DNAI4: variants seen among roughly 807,000 people sequenced by gnomAD.
DNAI4 encodes the protein dynein axonemal intermediate chain 4.
DNAI4 carries 85 observed loss-of-function variants against 105.8 expected under a neutral mutation model. The observed-to-expected ratio is 0.80, with a 90% confidence interval of 0.67 to 0.96. The LOEUF (loss-of-function observed/expected upper bound fraction) is 0.96. Among genes scored for constraint, DNAI4 ranks in the 40% least tolerant of loss-of-function variants. The probability of loss-of-function intolerance (pLI) is 0.00; values close to 1 mark genes in which losing one functional copy is unlikely to be tolerated. For missense variants in DNAI4, 1,014 were observed against 1,005.6 expected (o/e 1.01, Z -0.11); for synonymous variants, 352 against 331.5 (o/e 1.06, Z -0.67).
At position 66,826,589 on chromosome 1, in the gene DNAI4, C is replaced by T. The variant is rs531863255; in HGVS notation, c.2339+231G>A. 5.9e-5 allele frequency among the ~76,000 whole-genome samples: 9 copies of T among 152,260 alleles called. No individual in the cohort carries two copies. The South Asian group carries it at 6.2e-4, about 11-fold the overall frequency. On this transcript the variant is annotated intron_variant, in intron 15 of 16. Coordinates refer to ENST00000371026, the MANE Select transcript of DNAI4 (RefSeq NM_024763.5). ...CCAGGATTACAGGTGTGAGCCACTGCGCCCAGCCAAGGTAAACTACTTTCA... is the reference window on the plus strand; with the variant it reads ...CCAGGATTACAGGTGTGAGCCACTGTGCCCAGCCAAGGTAAACTACTTTCA...
intron 8 of DNAI4, among the ~76,000 whole-genome samples, chr1:66,841,917 T>C (rs1646157610): frequency 6.6e-6 from 1 of 152,238 alleles, no homozygotes; most frequent in Non-Finnish European, 1.5e-5. Flanking sequence ...TATAATGACA[T>C]GTATCTGCCA....
At chr1:66,865,084 G>GA (rs1283677931) in intron 6 of DNAI4, among the ~76,000 whole-genome samples, 2 of 152,108 alleles carry the variant, frequency 1.3e-5, no homozygotes, top group Non-Finnish European at 2.9e-5. Flanking sequence ...TTTAAATAAT[G>GA]AAAGTTTACA....
chr1:66,821,954 C>T (rs938253782), intron 16 of DNAI4, among the ~76,000 whole-genome samples: 10 of 152,012 alleles, frequency 6.6e-5, no homozygotes, highest in Admixed American at 6.5e-4. Flanking sequence ...GCTAATCCAA[C>T]AGAAATAAAT....
intron 13 of DNAI4, among the ~76,000 whole-genome samples, chr1:66,833,299 T>G (rs543112270): frequency 6.6e-6 from 1 of 152,278 alleles, no homozygotes; most frequent in African/African-American, 2.4e-5. Context: ...TCTAGTTTGT[T>G]CATAGAGTTG....
rs1209588821 is a variant in DNAI4, at chr1:66,862,158, G to A, written c.1085C>T (p.Thr362Ile). The A allele has an allele frequency of 1.9e-6, 3 of 1,573,840 alleles. No individual in the cohort carries two copies. Among genetic ancestry groups the A allele is most frequent in the Non-Finnish European group, 2.6e-6 (3 of 1,166,840 alleles). Residue 362 changes from threonine (T) to isoleucine (I), a missense_variant, in exon 7 of 17, where the codon ACT becomes ATT. Thr to Ile is a moderately conservative substitution (Grantham distance 89). Transcript: ENST00000371026. ...KDQDQRLPGS[T>I]TEKNSETSSL... is the part of the protein sequence containing the mutation. ...AAATGAAATCTTACTTTTTTCTGTAGTGCTCCCTGGCAATCTTTGGTCCTG... is the reference window on the plus strand; with the variant it reads ...AAATGAAATCTTACTTTTTTCTGTAATGCTCCCTGGCAATCTTTGGTCCTG...
chr1:66,841,841 G>C (rs1010865141), intron 8 of DNAI4, among the ~76,000 whole-genome samples: 1 of 152,140 alleles, frequency 6.6e-6, no homozygotes. Context: ...AAAGTCCATA[G>C]TTTTACATTT....
At chr1:66,825,162 C>A (rs914138070) in intron 15 of DNAI4, among the ~76,000 whole-genome samples, 43 of 145,320 alleles carry the variant, frequency 3.0e-4, no homozygotes, top group African/African-American at 1.1e-3. Context: ...TAAATAATAA[C>A]TGTCTTTTTT....
chr1:66,834,242 T>C (rs1645933149), intron 11 of DNAI4, 94 bp from the exon 12 acceptor site: 1 of 912,984 alleles, frequency 1.1e-6, no homozygotes. Flanking sequence ...TTCTAGAAGA[T>C]CATGACCTAT....
At chr1:66,885,756 T>C (rs1647184675) in intron 4 of DNAI4, among the ~76,000 whole-genome samples, 1 of 152,186 alleles carries the variant, frequency 6.6e-6, no homozygotes, top group African/African-American at 2.4e-5. Context: ...ATAGGTAAGA[T>C]TTTTTTCCTT....
Position 66,847,529 on chromosome 1 carries a change from A to T in DNAI4, c.1246T>A (p.Phe416Ile). The T allele has an allele frequency of 6.2e-7, 1 of 1,613,488 alleles. No individual in the cohort carries two copies. The highest frequency in any genetic ancestry group is 1.3e-5 in the African/African-American group (1 of 75,006). Residue 416 changes from phenylalanine to isoleucine, a missense_variant, in exon 8 of 17, where the codon TTT (phenylalanine) becomes ATT (isoleucine). By Grantham distance (21) the Phe-to-Ile change is conservative (BLOSUM62 0). Transcript: ENST00000371026. Reference protein sequence around the residue: ...FMERVLMENIFQPKLAAYRQL... With the variant: ...FMERVLMENIIQPKLAAYRQL... ...CGATAAGCTGCAAGTTTGGGCTGAA[A>T]TATATTTTCCATCAGAACCCGTTCC... is the stretch of plus-strand genomic sequence containing the variant.
At chr1:66,922,655 T>C (rs1237166260) in intron 1 of DNAI4, among the ~76,000 whole-genome samples, 1 of 152,218 alleles carries the variant, frequency 6.6e-6, no homozygotes, top group African/African-American at 2.4e-5. Flanking sequence ...CTGGATTTAT[T>C]TGGCAGGTAG....
At chr1:66,867,928 A>C (rs269395) in intron 6 of DNAI4, among the ~76,000 whole-genome samples, 36,827 of 152,096 alleles carry the variant, frequency 0.24, 5,775 homozygotes, top group African/African-American at 0.45. Context: ...GGTTCACCTG[A>C]AAGCAAAAAT....
chr1:66,835,374 T>C (rs2100428043), intron 11 of DNAI4, among the ~76,000 whole-genome samples: 1 of 152,272 alleles, frequency 6.6e-6, no homozygotes, highest in African/African-American at 2.4e-5. Flanking sequence ...CCCAAAGCAA[T>C]AGTTTAAGAA....
chr1:66,841,351 G>A lies in DNAI4; in HGVS notation c.1292-680C>T, dbSNP rs545662386. Among the ~76,000 whole-genome samples the A allele has an allele frequency of 5.9e-5, 9 of 152,198 alleles. 1 individual carries two copies. The highest frequency in any genetic ancestry group is 3.9e-4 in the East Asian group (2 of 5,174). ...GGCTTCTGGTTGTTTTTTACCAATA[G>A]ACATTGCTGGAAAAAAAAGCATTTG... On this transcript the variant is annotated intron_variant, in intron 8 of 16. Coordinates refer to ENST00000371026, the MANE Select transcript of DNAI4 (RefSeq NM_024763.5).
chr1:66,833,478 C>A (rs1645911940), intron 13 of DNAI4, 107 bp downstream of exon 13: 4 of 1,276,678 alleles, frequency 3.1e-6, no homozygotes, highest in Non-Finnish European at 4.3e-6. Flanking sequence ...ATATATTAGG[C>A]ACAGTATTCA....
In DNAI4 at chr1:66,834,065, C is replaced by G. The variant is rs192012994; in HGVS notation, c.1817G>C (p.Arg606Thr). The G allele has an allele frequency of 3.7e-6, 6 of 1,612,732 alleles. No homozygotes were observed. The East Asian group carries it at 1.1e-4, about 30-fold the overall frequency. The change falls in exon 12 of 17, where the codon AGA (arginine) becomes ACA (threonine). Residue 606 changes from arginine (R) to threonine (T), a missense_variant. By Grantham distance (71) the Arg-to-Thr change is moderately conservative. Transcript: ENST00000371026. ...TGCTGATATAGAAACTAGTATTTCTCTTTTGCCATCTCCTGTTGTTCCTCG... is the reference window on the plus strand; with the variant it reads ...TGCTGATATAGAAACTAGTATTTCTGTTTTGCCATCTCCTGTTGTTCCTCG... ...QDRGTTGDGK[R>T]EILVSISADG...
chr1:66,919,370 C>T lies in DNAI4; in HGVS notation c.170+5292G>A, dbSNP rs192184558. Reference sequence around the variant, plus strand: ...TCTCACATTAACTCATAAAACAGTTCTTCCTCTATTTAAGGAGAACAAACA... The same window carrying T: ...TCTCACATTAACTCATAAAACAGTTTTTCCTCTATTTAAGGAGAACAAACA... On this transcript the variant is annotated intron_variant, in intron 1 of 16. Transcript: ENST00000371026. Among the ~76,000 whole-genome samples, 57 of 152,312 alleles carry T rather than the reference C, an allele frequency of 3.7e-4. No individual in the cohort carries two copies. In the East Asian group the frequency reaches 0.01, roughly 28 times the overall value.
At chr1:66,834,212 T>A in intron 11 of DNAI4, 64 bp from the exon 12 acceptor site, 1 of 1,310,660 alleles carries the variant, frequency 7.6e-7, no homozygotes, top group Admixed American at 2.9e-5. Flanking sequence ...GGCCTTGGAG[T>A]ATAAGTGATA....
At chr1:66,836,225 A>T (rs1245742439) in intron 10 of DNAI4, among the ~76,000 whole-genome samples, 112 of 148,492 alleles carry the variant, frequency 7.5e-4, no homozygotes, top group Non-Finnish European at 1.4e-3. Context: ...AGAGAGAGAG[A>T]GAGAGAGAGA....
Sources: allele counts gnomAD v4.1 joint callset (sites outside exome capture counted in the v4.1 genomes callset), GRCh38; gene constraint gnomAD v4.1.1; transcripts MANE v1.5; gene names NCBI Gene and HGNC (gene_info 2026-07-23, HGNC 2026-07-21).